The following SLC6A4 variants were observed in gnomAD, a reference collection of about 807,000 sequenced individuals.
SLC6A4 encodes sodium-dependent serotonin transporter.
In SLC6A4, 22 loss-of-function variants were observed where a neutral mutation model predicts 73.4. The observed-to-expected ratio is 0.30, with a 90% CI of 0.21 to 0.43. SLC6A4 has a LOEUF of 0.43. Among genes scored for constraint, SLC6A4 ranks in the 20% least tolerant of loss-of-function variants. SLC6A4 has a pLI of 1.00. For synonymous variants in SLC6A4, 270 were observed against 315.5 expected (o/e 0.86, Z 1.53); for missense variants, 593 against 808.5 (o/e 0.73, Z 3.23).
At chr17:30,233,184 C>T (rs925453032) in intron 1 of SLC6A4, among the ~76,000 whole-genome samples, 1 of 152,200 alleles carries the variant, frequency 6.6e-6, no homozygotes, top group Non-Finnish European at 1.5e-5. Context: ...TTTCGCTCCA[C>T]ACCCACGTAT....
intron 8 of SLC6A4, among the ~76,000 whole-genome samples, chr17:30,213,131 G>A (rs1307260501): frequency 6.6e-6 from 1 of 152,134 alleles, no homozygotes. Flanking sequence ...AGGCAATCCT[G>A]CTAGCACAGA....
chr17:30,205,575 T>C (rs1906166978), intron 13 of SLC6A4, among the ~76,000 whole-genome samples: 2 of 152,194 alleles, frequency 1.3e-5, no homozygotes, highest in South Asian at 2.1e-4. Context: ...GCATTTTAAA[T>C]GTGCCTAAAT....
At chr17:30,226,188 G>T (rs1477816877) in intron 1 of SLC6A4, among the ~76,000 whole-genome samples, 2 of 152,192 alleles carry the variant, frequency 1.3e-5, no homozygotes, top group African/African-American at 4.8e-5. Flanking sequence ...TGGGTTTAAC[G>T]TTGAGATAGG....
At chr17:30,232,105 T>A (rs2143016700) in intron 1 of SLC6A4, among the ~76,000 whole-genome samples, 1 of 152,304 alleles carries the variant, frequency 6.6e-6, no homozygotes, top group East Asian at 1.9e-4. Context: ...CTTATTTTAT[T>A]CAACAGTTCA....
At chr17:30,215,812 G>T in intron 7 of SLC6A4, 98 bp from the exon 8 acceptor site, 1 of 1,051,736 alleles carries the variant, frequency 9.5e-7, no homozygotes, top group Non-Finnish European at 1.5e-6. Context: ...GTGGCTAAGT[G>T]CAGAGGCAGA....
intron 1 of SLC6A4, among the ~76,000 whole-genome samples, chr17:30,230,098 G>GGAA (rs58106018): frequency 0.014 from 1,234 of 88,480 alleles, 31 homozygotes; most frequent in Non-Finnish European, 0.017. Context: ...AAGAAGAAGA[G>GGAA]GAGGAAGAGG....
chr17:30,204,751 C>T (rs1349630568), intron 13 of SLC6A4, among the ~76,000 whole-genome samples: 1 of 152,122 alleles, frequency 6.6e-6, no homozygotes, highest in Non-Finnish European at 1.5e-5. Flanking sequence ...GTTAAGTGAA[C>T]GTAGAAGTGG....
chr17:30,214,999 C>CTTT (rs1906519186), intron 8 of SLC6A4, among the ~76,000 whole-genome samples: 5 of 27,414 alleles, frequency 1.8e-4, no homozygotes, highest in East Asian at 2.7e-3. Flanking sequence ...TTCCTTCCTT[C>CTTT]CTTTCTTTCT....
chr17:30,223,397 T>TG (rs1247624028), intron 1 of SLC6A4, among the ~76,000 whole-genome samples: 1 of 152,104 alleles, frequency 6.6e-6, no homozygotes, highest in African/African-American at 2.4e-5. Context: ...CCTACCTATT[T>TG]GGGGTTTTTG....
intron 13 of SLC6A4, chr17:30,203,566 T>G (rs1329481950): frequency 1.9e-6 from 1 of 523,554 alleles, no homozygotes; most frequent in Non-Finnish European, 3.4e-6. Context: ...TCCCCAGCCC[T>G]CACTTCCTAT....
rs1268222735 is a variant in SLC6A4, at chr17:30,235,402, G to C, written c.-221+211C>G. On this transcript the variant is annotated intron_variant, in intron 1 of 14. Transcript: ENST00000650711. This position sits in a 1 kb window ranked among gnomAD's most constrained non-coding sequence, Gnocchi z 4.5. ...CCACTTCGAGCACTCCACGTTCCTC[G>C]TCTCCCACTCTGGCCGGTCAGCTTC... Among the ~76,000 whole-genome samples the C allele has an allele frequency of 6.6e-6, 1 of 152,150 alleles. No homozygotes were observed.
At chr17:30,209,643 CAAAAAA>C (rs113621056) in intron 11 of SLC6A4, among the ~76,000 whole-genome samples, 4 of 57,634 alleles carry the variant, frequency 6.9e-5, no homozygotes, top group Non-Finnish European at 1.5e-4. Context: ...AGACTCTGTC[CAAAAAA>C]AAAAAAAAAA....
Position 30,235,406 on chromosome 17 carries a change from C to T in SLC6A4, c.-221+207G>A, listed in dbSNP as rs55672810. 6.6e-6 allele frequency among the ~76,000 whole-genome samples: 1 copy of T among 152,222 alleles called. No homozygotes were observed. Among genetic ancestry groups the T allele is most frequent in the Non-Finnish European group, 1.5e-5 (1 of 68,048 alleles). On this transcript the variant is annotated intron_variant, in intron 1 of 14. Coordinates refer to ENST00000650711, the MANE Select transcript of SLC6A4 (RefSeq NM_001045.6). The surrounding 1 kb of genome is among the most constrained non-coding windows in gnomAD (Gnocchi z 4.5). Reference sequence around the variant, plus strand: ...TTCGAGCACTCCACGTTCCTCGTCTCCCACTCTGGCCGGTCAGCTTCAGCT... The same window carrying T: ...TTCGAGCACTCCACGTTCCTCGTCTTCCACTCTGGCCGGTCAGCTTCAGCT...
rs536919526 is a variant in SLC6A4, at chr17:30,227,904, T to C, written c.-220-4989A>G. 1.4e-4 allele frequency among the ~76,000 whole-genome samples: 22 copies of C among 152,338 alleles called. No homozygotes were observed. In the South Asian group the frequency reaches 4.6e-3, roughly 32 times the overall value. Reference sequence around the variant, plus strand: ...AGAACTTTCCCTGCCTGGGAGAGGATAGCCCTGGGCTTCTCTCTACACAGA... The same window carrying C: ...AGAACTTTCCCTGCCTGGGAGAGGACAGCCCTGGGCTTCTCTCTACACAGA... On this transcript the variant is annotated intron_variant, in intron 1 of 14. Transcript: ENST00000650711.
intron 1 of SLC6A4, among the ~76,000 whole-genome samples, chr17:30,226,393 C>T (rs1025311727): frequency 6.6e-6 from 1 of 152,216 alleles, no homozygotes; most frequent in Non-Finnish European, 1.5e-5. Context: ...CACATGTGCT[C>T]GGCTCCTCAG....
chr17:30,233,394 G>T (rs914073908), intron 1 of SLC6A4, among the ~76,000 whole-genome samples: 2 of 152,194 alleles, frequency 1.3e-5, no homozygotes, highest in African/African-American at 2.4e-5. Flanking sequence ...TGTGGTTAAG[G>T]TGCAGGGGTT....
chr17:30,203,271 C>A lies in SLC6A4; in HGVS notation c.1719G>T (p.Trp573Cys). The change falls in exon 14 of 15, where the codon TGG becomes TGT. Residue 573 changes from tryptophan (W) to cysteine (C), a missense_variant. By Grantham distance (215) the Trp-to-Cys change is radical. Transcript: ENST00000650711. The part of the protein sequence containing the change: ...LRLFQYNYPY[W>C]SIILGYCIGT... ...CTATGCAGTAACCCAAGATGATACT[C>A]CAGTAAGGATAATTATATTGGAAAA... 1 of 1,613,522 alleles carries A rather than the reference C, an allele frequency of 6.2e-7. No homozygotes were observed. Among genetic ancestry groups the A allele is most frequent in the Non-Finnish European group, 8.5e-7 (1 of 1,179,492 alleles).
chr17:30,210,661 C>G lies in SLC6A4; in HGVS notation c.1318-15G>C, dbSNP rs1235554142. 1 of 1,606,604 alleles carries G rather than the reference C, an allele frequency of 6.2e-7. No individual in the cohort carries two copies. Among genetic ancestry groups the G allele is most frequent in the African/African-American group, 1.3e-5 (1 of 74,770 alleles). On this transcript the variant is annotated splice_polypyrimidine_tract_variant and intron_variant, in intron 10 of 14. Transcript: ENST00000650711. ...AAGCCTGCAAACTGAGAGGTACAGG[C>G]AAGCAGTCACGGTGGAGGCTTTGGG... is the stretch of plus-strand genomic sequence containing the variant.
At chr17:30,201,216 C>G (rs904234321) in intron 14 of SLC6A4, among the ~76,000 whole-genome samples, 1 of 152,156 alleles carries the variant, frequency 6.6e-6, no homozygotes, top group Admixed American at 6.5e-5. Context: ...GTCAAATGAG[C>G]ACATTTGAAA....
Sources: gnomAD v4.1 joint callset for allele counts (sites outside exome capture counted in the v4.1 genomes callset) on GRCh38, gnomAD v4.1.1 for gene constraint, Gnocchi (gnomAD v3.1) non-coding constraint, MANE v1.5 for transcripts, NCBI Gene and HGNC (gene_info 2026-07-23, HGNC 2026-07-21) for gene names.